Variants in DNAH14 observed in about 807,000 individuals in gnomAD.
The protein encoded by DNAH14 is axonemal beta dynein heavy chain 14.
DNAH14 carries 478 observed loss-of-function variants against 520.9 expected under a neutral mutation model. The observed-to-expected ratio is 0.92, with a 90% CI of 0.85 to 0.99. The LOEUF (loss-of-function observed/expected upper bound fraction) is 0.99. Among genes scored for constraint, DNAH14 ranks in the 50% least tolerant of loss-of-function variants. DNAH14 has a pLI of 0.00. For missense variants in DNAH14, 4,831 were observed against 5,234.5 expected, an observed-to-expected ratio of 0.92 and a Z score of 2.38; for synonymous variants, 1,581 against 1,757.2, an observed-to-expected ratio of 0.90 and a Z score of 2.51.
chr1:225,335,517 G>GTACATATACGTATA (rs2094955620), intron 66 of DNAH14, among the ~76,000 whole-genome samples: 3 of 101,864 alleles, frequency 2.9e-5, no homozygotes, highest in South Asian at 3.1e-4. Context: ...ATATACATAT[G>GTACATATACGTATA]TACATATATA....
Position 225,051,741 on chromosome 1 carries a change from G to C in DNAH14, c.2370G>C (p.Met790Ile), listed in dbSNP as rs2068554193. Residue 790 changes from methionine (M) to isoleucine (I), a missense_variant, in exon 17 of 86, where the codon ATG (methionine) becomes ATC (isoleucine). Coordinates refer to ENST00000682510, the MANE Select transcript of DNAH14 (RefSeq NM_001367479.1). Reference protein sequence around the residue: ...CLLYIDNVIHMSHTLIQSVIE... With the variant: ...CLLYIDNVIHISHTLIQSVIE... ...TGTATATTGACAACGTCATACATAT[G>C]AGCCACACCCTCATACAATCTGTAA... 1 of 1,548,080 alleles carries C rather than the reference G, an allele frequency of 6.5e-7. No individual in the cohort carries two copies. The highest frequency in any genetic ancestry group is 1.2e-5 in the South Asian group (1 of 83,176).
At chr1:225,204,492 G>A (rs972205810) in intron 39 of DNAH14, among the ~76,000 whole-genome samples, 4 of 152,014 alleles carry the variant, frequency 2.6e-5, no homozygotes, top group African/African-American at 9.7e-5. Context: ...AAGCACTATG[G>A]CTTAAATAGT....
At chr1:225,006,407 T>G (rs947671626) in intron 9 of DNAH14, among the ~76,000 whole-genome samples, 2 of 152,188 alleles carry the variant, frequency 1.3e-5, no homozygotes, top group Non-Finnish European at 2.9e-5. Flanking sequence ...AACAGAGTCA[T>G]ATTTCTCTTC....
chr1:225,183,842 GAAAC>G (rs1417552284), intron 36 of DNAH14, among the ~76,000 whole-genome samples: 1 of 151,856 alleles, frequency 6.6e-6, no homozygotes, highest in Non-Finnish European at 1.5e-5. Context: ...TGAATTCCTA[GAAAC>G]AAACAAACCT....
At chr1:225,359,013 A>G (rs1342034291) in intron 74 of DNAH14, among the ~76,000 whole-genome samples, 4 of 152,156 alleles carry the variant, frequency 2.6e-5, no homozygotes, top group Non-Finnish European at 5.9e-5. Context: ...TTTTTAAATT[A>G]CTCAGTCTCA....
intron 5 of DNAH14, among the ~76,000 whole-genome samples, chr1:224,965,743 T>G (rs772050003): frequency 2.0e-5 from 3 of 152,154 alleles, no homozygotes; most frequent in Admixed American, 6.6e-5. Context: ...TTTCATGTTT[T>G]GACCTTGAAA....
At chr1:225,003,229 T>A (rs561262293) in intron 9 of DNAH14, among the ~76,000 whole-genome samples, 1 of 152,162 alleles carries the variant, frequency 6.6e-6, no homozygotes. Context: ...ATAATTGATA[T>A]TCTTCCTCTA....
rs1430173612 is a variant in DNAH14 at position 225,307,542 on chromosome 1, T to G, written c.9087T>G (p.Leu3029=). ...VTEMQEELLI[L]GPQVEQKTKE... is the part of the protein sequence containing the mutation. Reference sequence around the variant, plus strand: ...AAATGCAAGAAGAGCTCTTGATTCTTGGCCCTCAAGTAGAACAAAAAACAA... The same window carrying G: ...AAATGCAAGAAGAGCTCTTGATTCTGGGCCCTCAAGTAGAACAAAAAACAA... The change falls in exon 59 of 86, where the codon CTT becomes CTG. Residue 3029 remains leucine, a synonymous_variant. Transcript: ENST00000682510. 1.3e-6 allele frequency: 2 copies of G among 1,547,460 alleles called. No homozygotes were observed. Among genetic ancestry groups the G allele is most frequent in the African/African-American group, 2.8e-5 (2 of 72,656 alleles).
At chr1:225,337,684 C>G (rs1165608286) in intron 67 of DNAH14, among the ~76,000 whole-genome samples, 188 bp downstream of exon 67, 4 of 152,122 alleles carry the variant, frequency 2.6e-5, no homozygotes, top group African/African-American at 9.7e-5. Flanking sequence ...CTGTCTTTCA[C>G]TGGAGTCCAG....
rs2090676332 is a variant in DNAH14 at position 225,227,722 on chromosome 1, C to T, written c.6440-3351C>T. Among the ~76,000 whole-genome samples, 5 of 152,214 alleles carry T rather than the reference C, an allele frequency of 3.3e-5. No individual in the cohort carries two copies. The South Asian group carries it at 1.0e-3, about 32-fold the overall frequency. ...TCCCAGACCCCAAGTAAAGTCCATG[C>T]CACCCCAAGACACTTTATGGTGCCT... On this transcript the variant is annotated intron_variant, in intron 41 of 85. Coordinates refer to ENST00000682510, the MANE Select transcript of DNAH14 (RefSeq NM_001367479.1).
At chr1:225,065,886 A>G (rs1369392198) in intron 17 of DNAH14, among the ~76,000 whole-genome samples, 1 of 152,030 alleles carries the variant, frequency 6.6e-6, no homozygotes, top group East Asian at 1.9e-4. Flanking sequence ...CCCAGAAGTG[A>G]GATTGTTGGA....
chr1:225,220,347 A>G (rs2149504110), intron 41 of DNAH14, among the ~76,000 whole-genome samples: 1 of 152,342 alleles, frequency 6.6e-6, no homozygotes, highest in African/African-American at 2.4e-5. Context: ...GTATTCAAAT[A>G]GGAAGAGAGG....
At chr1:225,352,986 C>A (rs567718211) in intron 72 of DNAH14, among the ~76,000 whole-genome samples, 1 of 151,972 alleles carries the variant, frequency 6.6e-6, no homozygotes, top group East Asian at 1.9e-4. Flanking sequence ...TAAAAGAATT[C>A]TTTATTGACC....
intron 41 of DNAH14, among the ~76,000 whole-genome samples, chr1:225,218,994 A>T (rs34737903): frequency 0.12 from 18,865 of 152,234 alleles, 1,328 homozygotes; most frequent in East Asian, 0.31. Context: ...CTCAGGATTA[A>T]CGAACTCACT....
intron 17 of DNAH14, among the ~76,000 whole-genome samples, chr1:225,058,728 A>C (rs1431544614): frequency 6.6e-6 from 1 of 151,836 alleles, no homozygotes; most frequent in Non-Finnish European, 1.5e-5. Context: ...CTGGTATGTT[A>C]TGTCTTTGTT....
intron 27 of DNAH14, among the ~76,000 whole-genome samples, chr1:225,127,442 G>C (rs985503805): frequency 6.6e-6 from 1 of 152,052 alleles, no homozygotes; most frequent in Non-Finnish European, 1.5e-5. Context: ...TTGTTGAATT[G>C]ATCCCTTTAC....
intron 8 of DNAH14, among the ~76,000 whole-genome samples, chr1:224,999,818 T>G (rs2063633368): frequency 1.3e-5 from 2 of 152,136 alleles, no homozygotes; most frequent in African/African-American, 4.8e-5. Context: ...TTGAATGATA[T>G]GTAGAAACTT....
At chr1:224,989,359 C>T (rs376661733) in intron 8 of DNAH14, among the ~76,000 whole-genome samples, 25 of 152,248 alleles carry the variant, frequency 1.6e-4, no homozygotes, top group African/African-American at 5.5e-4. Flanking sequence ...ATTTAATTTA[C>T]ATGTTCATGC....
chr1:224,959,907 C>T (rs536508028), intron 3 of DNAH14, among the ~76,000 whole-genome samples: 1 of 152,230 alleles, frequency 6.6e-6, no homozygotes, highest in South Asian at 2.1e-4. Context: ...CTTACTGTGA[C>T]AATTCTCATT....
Sources: allele counts gnomAD v4.1 joint callset (sites outside exome capture counted in the v4.1 genomes callset), GRCh38; gene constraint gnomAD v4.1.1; transcripts MANE v1.5; gene names NCBI Gene and HGNC (gene_info 2026-07-23, HGNC 2026-07-21).